The following PMM2 variants were observed in gnomAD, a reference collection of about 807,000 sequenced individuals.
PMM2 encodes phosphomannomutase 2.
Under a neutral mutation model 33.2 loss-of-function variants are expected in PMM2, and 35 were observed. The observed-to-expected ratio is 1.06, with a 90% CI of 0.81 to 1.40. The LOEUF (loss-of-function observed/expected upper bound fraction) is 1.40. Ranked by LOEUF, PMM2 falls within the 40% of genes most tolerant of loss-of-function variation. PMM2 has a pLI of 0.00. For missense variants in PMM2, 386 were observed against 306.0 expected (o/e 1.26, Z -1.95); for synonymous variants, 153 against 114.7 (o/e 1.33, Z -2.13).
Position 8,842,078 on chromosome 16 carries a change from T to C in PMM2, c.640-5646T>C, listed in dbSNP as rs536790508. On this transcript the variant is annotated intron_variant, in intron 7 of 7. Transcript: ENST00000268261. ...TTGTTTGGACAGAAAGGCTACAGGG[T>C]GTGGTCCTGGCTGTTGTGTAAGAAT... 7.1e-3 allele frequency: 1,053 copies of C among 148,920 alleles called. 22 individuals are homozygous for C. The highest frequency in any genetic ancestry group is 0.025 in the African/African-American group (1,002 of 40,110). 9.2% of individuals were successfully genotyped at this position (148,920 alleles called of 1,614,324 possible).
intron 1 of PMM2, among the ~76,000 whole-genome samples, chr16:8,800,874 G>C (rs1198652870): frequency 2.6e-5 from 4 of 152,166 alleles, no homozygotes; most frequent in African/African-American, 9.7e-5. Context: ...AATAGAGACA[G>C]GGTTTCGCCA....
In PMM2 at chr16:8,831,688, T is replaced by G. The variant is rs544692232; in HGVS notation, c.640-16036T>G. Among the ~76,000 whole-genome samples, 3 of 152,338 alleles carry G rather than the reference T, an allele frequency of 2.0e-5. No homozygotes were observed. In the South Asian group the frequency reaches 6.2e-4, roughly 32 times the overall value. ...CTCTCTTTGGATGATTGGGGTTCAC[T>G]GCTACACTGCACAGGTCAGCAACAG... is the stretch of plus-strand genomic sequence containing the variant. On this transcript the variant is annotated intron_variant, in intron 7 of 7. Coordinates refer to ENST00000268261, the MANE Select transcript of PMM2 (RefSeq NM_000303.3).
intron 7 of PMM2, among the ~76,000 whole-genome samples, chr16:8,831,013 C>A (rs1462967046): frequency 6.6e-6 from 1 of 152,204 alleles, no homozygotes; most frequent in Non-Finnish European, 1.5e-5. Context: ...GTGGTGCACA[C>A]CTGTAATCCC....
chr16:8,797,979 C>T (rs1166157373), intron 1 of PMM2, 31 bp downstream of exon 1: 2 of 1,572,602 alleles, frequency 1.3e-6, no homozygotes, highest in Admixed American at 1.9e-5. Flanking sequence ...TGCTGGCAGC[C>T]GACGCGGAGC....
chr16:8,814,754 C>G (rs139903489), intron 7 of PMM2, among the ~76,000 whole-genome samples: 1 of 152,196 alleles, frequency 6.6e-6, no homozygotes, highest in Non-Finnish European at 1.5e-5. Context: ...ATTTAACGCT[C>G]ACAGTTTCGT....
chr16:8,822,578 C>T (rs1212466965), intron 7 of PMM2, among the ~76,000 whole-genome samples: 1 of 152,202 alleles, frequency 6.6e-6, no homozygotes, highest in Non-Finnish European at 1.5e-5. Flanking sequence ...TCATTTAGGT[C>T]ACCATCATAA....
chr16:8,810,416 A>AT (rs2060670995), intron 4 of PMM2: 2 of 152,350 alleles, frequency 1.3e-5, no homozygotes, highest in East Asian at 1.9e-4. Flanking sequence ...TATTAACCAC[A>AT]AAATTATCTG....
chr16:8,835,562 G>A (rs1450664850), intron 7 of PMM2, among the ~76,000 whole-genome samples: 1 of 152,164 alleles, frequency 6.6e-6, no homozygotes, highest in East Asian at 1.9e-4. Flanking sequence ...GAGGACAGGA[G>A]AGTATATGGG....
intron 7 of PMM2, among the ~76,000 whole-genome samples, chr16:8,815,811 A>G (rs576217564): frequency 6.6e-6 from 1 of 152,230 alleles, no homozygotes; most frequent in Admixed American, 6.5e-5. Flanking sequence ...CAAGTTGGAC[A>G]ACGTCAAACT....
intron 7 of PMM2, among the ~76,000 whole-genome samples, chr16:8,845,715 C>T (rs139952251): frequency 7.0e-4 from 107 of 151,892 alleles, no homozygotes; most frequent in African/African-American, 2.4e-3. Flanking sequence ...ATTACAGGTG[C>T]GCACCACCAC....
intron 7 of PMM2, among the ~76,000 whole-genome samples, chr16:8,826,338 A>G (rs1469731481): frequency 1.3e-5 from 2 of 152,192 alleles, no homozygotes; most frequent in Non-Finnish European, 2.9e-5. Flanking sequence ...AGTTTTAATT[A>G]CATACCAAGT....
chr16:8,840,030 G>A (rs949691223), intron 7 of PMM2, among the ~76,000 whole-genome samples: 24 of 151,932 alleles, frequency 1.6e-4, no homozygotes, highest in African/African-American at 5.8e-4. Flanking sequence ...GTTCGGAGGT[G>A]TAGGGAGATG....
chr16:8,839,866 T>TG (rs1194638562), intron 7 of PMM2, among the ~76,000 whole-genome samples: 10 of 18,812 alleles, frequency 5.3e-4, no homozygotes, highest in Non-Finnish European at 1.5e-3. Flanking sequence ...GGTCCGAATA[T>TG]GGGGGGAGAA....
intron 7 of PMM2, among the ~76,000 whole-genome samples, chr16:8,813,687 C>G (rs1335559528): frequency 1.3e-5 from 2 of 151,902 alleles, no homozygotes; most frequent in African/African-American, 4.8e-5. Context: ...AGAGCAGAGC[C>G]CAGTGTTAAA....
intron 7 of PMM2, among the ~76,000 whole-genome samples, chr16:8,845,427 G>A (rs143261492): frequency 9.2e-5 from 14 of 152,244 alleles, no homozygotes; most frequent in South Asian, 8.3e-4. Context: ...TAGGGGATGC[G>A]ATGGCTTGGC....
At chr16:8,832,334 C>A in intron 7 of PMM2, 1 of 985,458 alleles carries the variant, frequency 1.0e-6, no homozygotes, top group Non-Finnish European at 1.2e-6. Context: ...GAGGCTCCTG[C>A]AGCCAGGGTC....
Position 8,847,981 on chromosome 16 carries a change from G to C in PMM2, c.*156G>C. On this transcript the variant is annotated 3_prime_UTR_variant, in exon 8 of 8. Coordinates refer to ENST00000268261, the MANE Select transcript of PMM2 (RefSeq NM_000303.3). ...TGTGCAGTCTGGACTTCCACCTCCAGTGCCAGAAACTTCCAGAAGGAAGGA... is the reference window on the plus strand; with the variant it reads ...TGTGCAGTCTGGACTTCCACCTCCACTGCCAGAAACTTCCAGAAGGAAGGA... The C allele has an allele frequency of 1.6e-6, 1 of 633,318 alleles. No individual in the cohort carries two copies. The highest frequency in any genetic ancestry group is 2.8e-5 in the East Asian group (1 of 36,198). The allele number at this position is 633,318 out of a possible 1,614,324, so 39.2% of individuals were successfully genotyped here.
At chr16:8,827,631 A>C (rs1277083297) in intron 7 of PMM2, among the ~76,000 whole-genome samples, 1 of 144,742 alleles carries the variant, frequency 6.9e-6, no homozygotes, top group African/African-American at 2.6e-5. Flanking sequence ...CCTGACCTCA[A>C]GTGATCCCCC....
chr16:8,846,022 G>A (rs914860448), intron 7 of PMM2, among the ~76,000 whole-genome samples: 1 of 152,182 alleles, frequency 6.6e-6, no homozygotes, highest in Non-Finnish European at 1.5e-5. Flanking sequence ...ATTCAGGTCT[G>A]TCTGAAGGCC....
Sources: allele counts gnomAD v4.1 joint callset (sites outside exome capture counted in the v4.1 genomes callset), GRCh38; gene constraint gnomAD v4.1.1; transcripts MANE v1.5; gene names NCBI Gene and HGNC (gene_info 2026-07-23, HGNC 2026-07-21).